ZNF362: variants seen among roughly 807,000 people sequenced by gnomAD.
ZNF362 encodes rotund homolog.
In ZNF362, 11 loss-of-function variants were observed where a neutral mutation model predicts 42.9. That is an observed-to-expected ratio of 0.26 (90% CI 0.16 to 0.42). The LOEUF is 0.42. Ranked by LOEUF, ZNF362 falls within the 20% of genes least tolerant of loss-of-function variation. ZNF362 has a pLI of 1.00. For synonymous variants in ZNF362, 255 were observed against 257.3 expected, an observed-to-expected ratio of 0.99 and a Z score of 0.09; for missense variants, 362 against 576.2, an observed-to-expected ratio of 0.63 and a Z score of 3.81.
At chr1:33,169,021 G>A in the ZNF362 span, among the ~76,000 whole-genome samples, 3 of 152,068 alleles carry the variant, frequency 2.0e-5, no homozygotes, top group Non-Finnish European at 4.4e-5. Flanking sequence ...CCTGGATCCC[G>A]GGAGAATCAG....
rs935025992 is a variant in ZNF362 at position 33,297,479 on chromosome 1, G to A, written c.1147-1451G>A. 4.9e-4 allele frequency among the ~76,000 whole-genome samples: 73 copies of A among 149,062 alleles called. 4 individuals carry two copies. Among genetic ancestry groups the A allele is most frequent in the Non-Finnish European group, 5.9e-5 (4 of 67,600 alleles). On this transcript the variant is annotated intron_variant, in intron 8 of 8. Transcript: ENST00000539719. ...GCATTGACATTTTCATTTGTGTCACGAATGCCATGATTTGGTGTATTTACA... is the reference window on the plus strand; with the variant it reads ...GCATTGACATTTTCATTTGTGTCACAAATGCCATGATTTGGTGTATTTACA...
chr1:33,251,731 T>C (rs1244225702), upstream of ZNF362, among the ~76,000 whole-genome samples: 6 of 152,196 alleles, frequency 3.9e-5, no homozygotes, highest in African/African-American at 1.2e-4. Context: ...TACTGTTCTC[T>C]CTGTTGGAAA....
At chr1:33,188,794 G>A in the ZNF362 span, among the ~76,000 whole-genome samples, 1 of 152,206 alleles carries the variant, frequency 6.6e-6, no homozygotes, top group African/African-American at 2.4e-5. Flanking sequence ...TAAGGAGAGA[G>A]ATAAGCTCAT....
At chr1:33,139,385 T>C in the ZNF362 span, among the ~76,000 whole-genome samples, 3 of 152,168 alleles carry the variant, frequency 2.0e-5, no homozygotes, top group Admixed American at 6.5e-5. Context: ...TGCAAAACCA[T>C]AGGACAGGAT....
chr1:33,261,473 G>C (rs1005138804), intron 1 of ZNF362: 1 of 152,128 alleles, frequency 6.6e-6, no homozygotes, highest in African/African-American at 2.4e-5. Flanking sequence ...AAGAAAGGCA[G>C]ACAGCCTTGA....
At chr1:33,231,622 T>C in the ZNF362 span, among the ~76,000 whole-genome samples, 1 of 152,182 alleles carries the variant, frequency 6.6e-6, no homozygotes, top group Admixed American at 6.5e-5. Context: ...TACACATGCC[T>C]GTGTAGTTAT....
the ZNF362 span, among the ~76,000 whole-genome samples, chr1:33,179,882 T>C: frequency 6.6e-6 from 1 of 151,994 alleles, no homozygotes. Context: ...AAGCTTTTAA[T>C]ATGCAAATGC....
the ZNF362 span, among the ~76,000 whole-genome samples, chr1:33,127,587 G>C: frequency 6.6e-6 from 1 of 152,166 alleles, no homozygotes; most frequent in Non-Finnish European, 1.5e-5. Context: ...AAAAGGCCCA[G>C]GGTAACACCG....
At chr1:33,284,422 C>A (rs1161482798) in intron 6 of ZNF362, among the ~76,000 whole-genome samples, 1 of 152,208 alleles carries the variant, frequency 6.6e-6, no homozygotes, top group Non-Finnish European at 1.5e-5. Context: ...TCTTACAGAT[C>A]CTGTTTACAG....
rs900278110 is a variant in ZNF362 at position 33,294,357 on chromosome 1, A to G, written c.909-580A>G. ...GGATGAGAACCCAGGAGTGGCAGGG[A>G]CAGAAGGAGCTCTCAGGAAGGACAC... is the stretch of plus-strand genomic sequence containing the variant. On this transcript the variant is annotated intron_variant, in intron 6 of 8. Coordinates refer to ENST00000539719, the MANE Select transcript of ZNF362 (RefSeq NM_152493.3). The surrounding 1 kb of genome is among the most constrained non-coding windows in gnomAD (Gnocchi z 4.2). 7.9e-5 allele frequency among the ~76,000 whole-genome samples: 12 copies of G among 152,122 alleles called. No homozygotes were observed. The highest frequency in any genetic ancestry group is 1.5e-4 in the Non-Finnish European group (10 of 68,022).
At chr1:33,267,524 C>T (rs948935001) in intron 1 of ZNF362, among the ~76,000 whole-genome samples, 3 of 152,122 alleles carry the variant, frequency 2.0e-5, no homozygotes, top group Non-Finnish European at 4.4e-5. Context: ...TGGTTTCAAT[C>T]CTTCCTTTTA....
chr1:33,137,095 C>A, the ZNF362 span, among the ~76,000 whole-genome samples: 3 of 152,156 alleles, frequency 2.0e-5, no homozygotes, highest in African/African-American at 7.2e-5. Flanking sequence ...CCCAGCTGTG[C>A]CATGAACTTG....
the ZNF362 span, among the ~76,000 whole-genome samples, chr1:33,182,772 G>A: frequency 9.2e-5 from 14 of 152,160 alleles, no homozygotes; most frequent in Non-Finnish European, 1.8e-4. Context: ...CGTGAAAGGG[G>A]AGGGCGCAGT....
the ZNF362 span, among the ~76,000 whole-genome samples, chr1:33,204,355 A>G: frequency 6.6e-6 from 1 of 152,132 alleles, no homozygotes; most frequent in Non-Finnish European, 1.5e-5. Flanking sequence ...TGTCAGTACT[A>G]TACTGTTTTG....
At chr1:33,232,452 C>T in the ZNF362 span, among the ~76,000 whole-genome samples, 5 of 152,068 alleles carry the variant, frequency 3.3e-5, no homozygotes, top group African/African-American at 4.8e-5. Flanking sequence ...TTAGCAGAGA[C>T]GGGGCTTCAC....
chr1:33,246,349 G>A, the ZNF362 span, among the ~76,000 whole-genome samples: 9 of 152,228 alleles, frequency 5.9e-5, no homozygotes, highest in African/African-American at 1.9e-4. Context: ...GGTGTCTCTC[G>A]AGGAAAGACC....
the ZNF362 span, among the ~76,000 whole-genome samples, chr1:33,198,533 G>C: frequency 2.6e-5 from 4 of 152,220 alleles, no homozygotes; most frequent in South Asian, 8.3e-4. Flanking sequence ...TGAGTATGGT[G>C]ATGCACGCCT....
At position 33,275,480 on chromosome 1, in the gene ZNF362, G is replaced by C. The variant is rs546216071; in HGVS notation, c.39-620G>C. 7.9e-6 allele frequency: 6 copies of C among 761,610 alleles called. No homozygotes were observed. The East Asian group carries it at 7.7e-4, about 97-fold the overall frequency. 47.2% of individuals were successfully genotyped at this position (761,610 alleles called of 1,614,324 possible). A position where few individuals can be genotyped will look rare whatever the true frequency, so the allele number is the denominator to read the frequency against. ...TGCACGTGACATTGAACAACCACACGTGGCCTGTTTCTTGAAGATAACTTT... is the reference window on the plus strand; with the variant it reads ...TGCACGTGACATTGAACAACCACACCTGGCCTGTTTCTTGAAGATAACTTT... On this transcript the variant is annotated intron_variant, in intron 2 of 8. Transcript: ENST00000539719.
the ZNF362 span, among the ~76,000 whole-genome samples, chr1:33,162,020 T>A: frequency 6.6e-6 from 1 of 152,190 alleles, no homozygotes; most frequent in Admixed American, 6.5e-5. Context: ...CACACCCATT[T>A]TTCCAACAGT....
Sources: allele counts gnomAD v4.1 joint callset (sites outside exome capture counted in the v4.1 genomes callset), GRCh38; gene constraint gnomAD v4.1.1; non-coding constraint Gnocchi (gnomAD v3.1); transcripts MANE v1.5; gene names NCBI Gene and HGNC (gene_info 2026-07-23, HGNC 2026-07-21).